CHRDL1: variants seen among roughly 807,000 people sequenced by gnomAD.
The protein encoded by CHRDL1 is chordin-like protein 1.
A neutral mutation model predicts 40.9 loss-of-function variants in CHRDL1; 19 were observed. The observed-to-expected ratio is 0.46, with a 90% confidence interval of 0.32 to 0.68. The LOEUF (loss-of-function observed/expected upper bound fraction) is 0.68, where lower values mean the gene tolerates loss of function less well. Ranked by LOEUF, CHRDL1 falls within the 30% of genes least tolerant of loss-of-function variation. The pLI, the probability that CHRDL1 is intolerant of heterozygous loss-of-function variation, is 0.03. For synonymous variants in CHRDL1, 136 were observed against 123.4 expected (o/e 1.10, Z -0.68); for missense variants, 329 against 352.1 (o/e 0.93, Z 0.53).
Position 110,700,670 on chromosome X carries a change from G to T in CHRDL1, c.593C>A (p.Pro198His). 8.4e-7 allele frequency: 1 copy of T among 1,187,366 alleles called. No homozygotes were observed. The highest frequency in any genetic ancestry group is 1.8e-5 in the South Asian group (1 of 56,432). The part of the protein sequence containing the change: ...EHSDGDIFRQ[P>H]ANREARHSYH... Reference sequence around the variant, plus strand: ...CACACTTACTGCTTCTCTGTTGGCAGGTTGCCGGAAGATATCACCATCAGA... The same window carrying T: ...CACACTTACTGCTTCTCTGTTGGCATGTTGCCGGAAGATATCACCATCAGA... The change falls in exon 7 of 12, where the codon CCT becomes CAT. Residue 198 changes from proline (P) to histidine (H), a missense_variant. Transcript: ENST00000372042.
At chrX:110,757,609 C>T (rs765976803) in intron 4 of CHRDL1, among the ~76,000 whole-genome samples, 2 of 111,165 alleles carry the variant, frequency 1.8e-5, no homozygotes, top group Non-Finnish European at 3.8e-5. Context: ...GAACTACTAC[C>T]CACAGAAAGA....
chrX:110,752,895 T>C (rs1391101545), intron 4 of CHRDL1, among the ~76,000 whole-genome samples: 1 of 111,238 alleles, frequency 9.0e-6, no homozygotes, highest in Non-Finnish European at 1.9e-5. Flanking sequence ...CAGATATGGA[T>C]GGTGGCAAAA....
intron 4 of CHRDL1, among the ~76,000 whole-genome samples, chrX:110,726,649 ATAAT>A (rs1396155567): frequency 8.9e-6 from 1 of 112,210 alleles, no homozygotes; most frequent in African/African-American, 3.2e-5. Context: ...AGGTTCAGCG[ATAAT>A]TAATTTTAAA....
At chrX:110,784,032 G>A (rs1040502809) in intron 2 of CHRDL1, among the ~76,000 whole-genome samples, 2 of 112,093 alleles carry the variant, frequency 1.8e-5, no homozygotes, top group Non-Finnish European at 3.8e-5. Flanking sequence ...TTCATTATAT[G>A]AGTGGACACA....
chrX:110,752,597 T>C (rs1239509803), intron 4 of CHRDL1, among the ~76,000 whole-genome samples: 1 of 111,082 alleles, frequency 9.0e-6, no homozygotes, highest in Non-Finnish European at 1.9e-5. Flanking sequence ...TATCTGCTAT[T>C]CAGACACCAA....
chrX:110,781,936 C>T (rs1177810234), intron 2 of CHRDL1, among the ~76,000 whole-genome samples: 1 of 111,952 alleles, frequency 8.9e-6, no homozygotes. Flanking sequence ...TTCTTGAAAA[C>T]CACAGATAAC....
At chrX:110,774,347 G>A (rs1220759956) in intron 2 of CHRDL1, among the ~76,000 whole-genome samples, 1 of 111,559 alleles carries the variant, frequency 9.0e-6, no homozygotes, top group Admixed American at 9.5e-5. Context: ...TCTTCCTTTT[G>A]TATAGCTGAA....
intron 1 of CHRDL1, among the ~76,000 whole-genome samples, chrX:110,792,822 T>A (rs919203909): frequency 8.9e-6 from 1 of 112,376 alleles, no homozygotes; most frequent in South Asian, 3.7e-4. Flanking sequence ...TTAAAATGGT[T>A]CCAACATATT....
intron 2 of CHRDL1, among the ~76,000 whole-genome samples, chrX:110,769,742 A>C: frequency 9.0e-6 from 1 of 111,726 alleles, no homozygotes; most frequent in East Asian, 2.8e-4. Context: ...AGATCTTGTA[A>C]GACTCATTCA....
intron 4 of CHRDL1, among the ~76,000 whole-genome samples, chrX:110,730,623 C>T (rs1242053731): frequency 1.8e-5 from 2 of 110,547 alleles, no homozygotes; most frequent in Admixed American, 1.9e-4. Flanking sequence ...CACTCTGTTG[C>T]CCAGGCTGGA....
chrX:110,753,012 A>G (rs1225975151), intron 4 of CHRDL1, among the ~76,000 whole-genome samples: 1 of 111,603 alleles, frequency 9.0e-6, no homozygotes, highest in African/African-American at 3.3e-5. Flanking sequence ...TCCTCAATAA[A>G]TTAAAAATAA....
chrX:110,755,836 G>A (rs766240556), intron 4 of CHRDL1, among the ~76,000 whole-genome samples: 126 of 111,824 alleles, frequency 1.1e-3, no homozygotes, highest in African/African-American at 3.9e-3. Context: ...ATAATCACTG[G>A]GGTGGAAGGA....
chrX:110,765,980 G>A (rs908833858), intron 2 of CHRDL1, among the ~76,000 whole-genome samples: 12 of 111,383 alleles, frequency 1.1e-4, no homozygotes, highest in South Asian at 3.8e-4. Flanking sequence ...TAAGAAAATC[G>A]AAATTGTATC....
At chrX:110,719,609 G>A (rs191028152) in intron 6 of CHRDL1, among the ~76,000 whole-genome samples, 1 of 108,793 alleles carries the variant, frequency 9.2e-6, no homozygotes, top group African/African-American at 3.4e-5. Context: ...ATCCTCCCCT[G>A]AAGCACAGCA....
At chrX:110,676,617 C>T (rs1569457470) in intron 11 of CHRDL1, among the ~76,000 whole-genome samples, 1 of 111,491 alleles carries the variant, frequency 9.0e-6, no homozygotes, top group African/African-American at 3.3e-5. Flanking sequence ...AGAACTGCCC[C>T]TCCTCAAGAG....
rs186599872 is a variant in CHRDL1 at position 110,754,016 on chromosome X, T to A, written c.301+5645A>T. Among the ~76,000 whole-genome samples, 26 of 112,468 alleles carry A rather than the reference T, an allele frequency of 2.3e-4. 1 individual carries two copies. The East Asian group carries it at 7.0e-3, about 30-fold the overall frequency. ...CAAATTAATATTTTGCACTACCAAG[T>A]GACAGCAGCTAAAAGCCAAGTACAC... On this transcript the variant is annotated intron_variant, in intron 4 of 11. Transcript: ENST00000372042.
intron 8 of CHRDL1, among the ~76,000 whole-genome samples, chrX:110,692,707 G>A (rs951573209): frequency 4.5e-5 from 5 of 112,179 alleles, no homozygotes; most frequent in African/African-American, 1.6e-4. Flanking sequence ...AACACAGATC[G>A]ATAGTAAGTA....
chrX:110,781,781 C>A (rs771913009), intron 2 of CHRDL1, among the ~76,000 whole-genome samples: 23 of 111,992 alleles, frequency 2.1e-4, no homozygotes, highest in Non-Finnish European at 3.4e-4. Context: ...TCCAAAAGGA[C>A]AGTATATATT....
chrX:110,686,344 A>G (rs1217836110), intron 9 of CHRDL1, among the ~76,000 whole-genome samples: 1 of 112,390 alleles, frequency 8.9e-6, no homozygotes, highest in East Asian at 2.8e-4. Context: ...ACACAATGAA[A>G]TAAGACTTGG....
Sources: allele counts gnomAD v4.1 joint callset (sites outside exome capture counted in the v4.1 genomes callset), GRCh38; gene constraint gnomAD v4.1.1; transcripts MANE v1.5; gene names NCBI Gene and HGNC (gene_info 2026-07-23, HGNC 2026-07-21).